Variants in LEKR1 observed in about 807,000 individuals in gnomAD.
LEKR1 encodes protein LEKR1.
LEKR1 carries 59 observed loss-of-function variants against 72.4 expected under a neutral mutation model. That is an observed-to-expected ratio of 0.82 (90% CI 0.66 to 1.01). LEKR1 has a LOEUF of 1.01. Ranked by LOEUF, LEKR1 falls within the 50% of genes least tolerant of loss-of-function variation. The probability of loss-of-function intolerance (pLI) is 0.00; values close to 1 mark genes in which losing one functional copy is unlikely to be tolerated. For missense variants in LEKR1, 728 were observed against 759.2 expected (o/e 0.96, Z 0.48); for synonymous variants, 257 against 263.2 (o/e 0.98, Z 0.23).
chr3:156,994,279 A>T (rs79796909), intron 9 of LEKR1, among the ~76,000 whole-genome samples: 5,333 of 151,934 alleles, frequency 0.035, 115 homozygotes, highest in Admixed American at 0.046. Context: ...GTTATCTTAG[A>T]ATTAGATTTT....
chr3:156,920,239 A>G (rs1724063887), intron 3 of LEKR1, among the ~76,000 whole-genome samples: 1 of 152,220 alleles, frequency 6.6e-6, no homozygotes, highest in Non-Finnish European at 1.5e-5. Context: ...TTGAACATGT[A>G]TTACTTTAAA....
chr3:156,914,597 A>G (rs1723422728), intron 3 of LEKR1, among the ~76,000 whole-genome samples: 1 of 152,072 alleles, frequency 6.6e-6, no homozygotes, highest in Admixed American at 6.6e-5. Context: ...AAGTCTTTGC[A>G]TTGTGAACAG....
chr3:156,899,379 C>T (rs868598554), intron 3 of LEKR1, among the ~76,000 whole-genome samples: 3 of 103,376 alleles, frequency 2.9e-5, no homozygotes, highest in African/African-American at 7.9e-5. Flanking sequence ...TACATATATA[C>T]ACATATATAC....
At chr3:156,892,857 G>C (rs1282910720) in intron 3 of LEKR1, among the ~76,000 whole-genome samples, 3 of 152,184 alleles carry the variant, frequency 2.0e-5, no homozygotes, top group Admixed American at 1.3e-4. Flanking sequence ...GTGAATTATG[G>C]CTAAAATTTA....
chr3:156,905,041 C>T (rs538855306), intron 3 of LEKR1, among the ~76,000 whole-genome samples: 14 of 151,936 alleles, frequency 9.2e-5, no homozygotes, highest in African/African-American at 2.2e-4. Flanking sequence ...CAGTCCAGTG[C>T]GGGTACTTTT....
chr3:156,912,116 T>C (rs371544056), intron 3 of LEKR1, among the ~76,000 whole-genome samples: 4 of 152,164 alleles, frequency 2.6e-5, no homozygotes, highest in African/African-American at 9.7e-5. Context: ...GCCTAGAGTA[T>C]AATCATTGTA....
At chr3:156,828,663 A>G (rs1466864405) in intron 1 of LEKR1, among the ~76,000 whole-genome samples, 1 of 152,164 alleles carries the variant, frequency 6.6e-6, no homozygotes, top group Non-Finnish European at 1.5e-5. Context: ...TGACCTTTAT[A>G]TTGAATGGCT....
At chr3:156,930,921 C>A (rs374956206) in intron 5 of LEKR1, among the ~76,000 whole-genome samples, 1 of 152,122 alleles carries the variant, frequency 6.6e-6, no homozygotes, top group Non-Finnish European at 1.5e-5. Context: ...TAGGATAAAT[C>A]ATAAGCCTAA....
At chr3:156,878,151 CT>C (rs982122004) in intron 3 of LEKR1, among the ~76,000 whole-genome samples, 2 of 151,520 alleles carry the variant, frequency 1.3e-5, no homozygotes, top group African/African-American at 2.4e-5. Flanking sequence ...TTTGTTATTT[CT>C]TTTTTTCTGC....
At chr3:157,043,972 T>C (rs1461504130) in intron 12 of LEKR1, among the ~76,000 whole-genome samples, 5 of 152,236 alleles carry the variant, frequency 3.3e-5, no homozygotes, top group Non-Finnish European at 2.9e-5. Context: ...AATTGCTCCA[T>C]ATTTTTCCAT....
intron 2 of LEKR1, among the ~76,000 whole-genome samples, chr3:156,833,581 A>G (rs1381377062): frequency 6.6e-6 from 1 of 152,202 alleles, no homozygotes; most frequent in Non-Finnish European, 1.5e-5. Flanking sequence ...TACAGCCCAA[A>G]GAAAGCCAAA....
intron 6 of LEKR1, among the ~76,000 whole-genome samples, chr3:156,954,664 T>C (rs939451353): frequency 1.3e-5 from 2 of 152,010 alleles, no homozygotes; most frequent in Non-Finnish European, 2.9e-5. Flanking sequence ...TATCAGAGGT[T>C]GTAGGTGTGC....
At chr3:156,928,076 A>G (rs1177351908) in intron 5 of LEKR1, among the ~76,000 whole-genome samples, 1 of 152,050 alleles carries the variant, frequency 6.6e-6, no homozygotes, top group Non-Finnish European at 1.5e-5. Context: ...TATTCCAACT[A>G]TATGACATTC....
intron 6 of LEKR1, among the ~76,000 whole-genome samples, chr3:156,943,613 C>T (rs1006098171): frequency 1.3e-5 from 2 of 151,764 alleles, no homozygotes; most frequent in African/African-American, 4.8e-5. Flanking sequence ...TAGGCTTCTC[C>T]GTGGCCCAGT....
intron 2 of LEKR1, among the ~76,000 whole-genome samples, chr3:156,830,286 CT>C: frequency 6.6e-6 from 1 of 152,244 alleles, no homozygotes; most frequent in Middle Eastern, 3.4e-3. Context: ...TCTTGAAGTT[CT>C]TGTGTATTTT....
chr3:156,912,785 G>A (rs998730473), intron 3 of LEKR1, among the ~76,000 whole-genome samples: 3 of 152,176 alleles, frequency 2.0e-5, no homozygotes, highest in South Asian at 2.1e-4. Context: ...GGGAATGTGC[G>A]CAAGGCTCTT....
At position 157,027,301 on chromosome 3, in the gene LEKR1, T is replaced by C. The variant is rs909414191; in HGVS notation, c.1369-802T>C. On this transcript the variant is annotated intron_variant, in intron 11 of 12. Coordinates refer to ENST00000356539, the MANE Select transcript of LEKR1 (RefSeq NM_001004316.3). ...GAATATCTCTAACACCACAGAAAGCTCTGTTGGGCAGTACTGTTCTGGAAG... is the reference window on the plus strand; with the variant it reads ...GAATATCTCTAACACCACAGAAAGCCCTGTTGGGCAGTACTGTTCTGGAAG... Among the ~76,000 whole-genome samples the C allele has an allele frequency of 5.9e-5, 9 of 151,960 alleles. No homozygotes were observed. In the East Asian group the frequency reaches 9.6e-4, roughly 16 times the overall value.
chr3:156,991,955 C>T (rs753642564), intron 7 of LEKR1, among the ~76,000 whole-genome samples: 5 of 152,136 alleles, frequency 3.3e-5, no homozygotes, highest in African/African-American at 7.2e-5. Flanking sequence ...ATATTGTTGT[C>T]GTTGTTATTG....
At chr3:156,882,524 A>C (rs1719514793) in intron 3 of LEKR1, among the ~76,000 whole-genome samples, 1 of 152,072 alleles carries the variant, frequency 6.6e-6, no homozygotes, top group Non-Finnish European at 1.5e-5. Context: ...GAGGATGTGG[A>C]GAAATAGGAA....
Sources: gnomAD v4.1 joint callset for allele counts (sites outside exome capture counted in the v4.1 genomes callset) on GRCh38, gnomAD v4.1.1 for gene constraint, MANE v1.5 for transcripts, NCBI Gene and HGNC (gene_info 2026-07-23, HGNC 2026-07-21) for gene names.